The following SAMD5 variants were observed in gnomAD, a reference collection of about 807,000 sequenced individuals.
SAMD5 encodes sterile alpha motif domain containing 5, also known as sterile alpha motif domain-containing protein 5.
Under a neutral mutation model 11.3 loss-of-function variants are expected in SAMD5, and 13 were observed. The observed-to-expected ratio is 1.15, with a 90% CI of 0.75 to 1.83. SAMD5 has a LOEUF of 1.83. Among genes scored for constraint, SAMD5 ranks in the 40% most tolerant of loss-of-function variants. The pLI is 0.00. For missense variants in SAMD5, 255 were observed against 239.1 expected, an observed-to-expected ratio of 1.07 and a Z score of -0.44; for synonymous variants, 129 against 111.3, an observed-to-expected ratio of 1.16 and a Z score of -1.00.
chr6:147,903,036 G>A, the SAMD5 span, among the ~76,000 whole-genome samples: 13 of 152,050 alleles, frequency 8.5e-5, no homozygotes, highest in African/African-American at 3.1e-4. Context: ...CCACAATCTT[G>A]GCCATCTATA....
chr6:147,703,620 ATTTGAG>A (rs1791286112), intron 1 of SAMD5, among the ~76,000 whole-genome samples: 2 of 152,208 alleles, frequency 1.3e-5, no homozygotes, highest in African/African-American at 4.8e-5. Context: ...TGGGCAAGAT[ATTTGAG>A]CTACAAAGTC....
chr6:147,614,958 T>C (rs1366777099), intron 1 of SAMD5, among the ~76,000 whole-genome samples: 2 of 152,016 alleles, frequency 1.3e-5, no homozygotes, highest in Non-Finnish European at 2.9e-5. Flanking sequence ...TATTATGTTA[T>C]AAACACATTT....
At chr6:147,592,001 G>C (rs1789461675) in intron 1 of SAMD5, among the ~76,000 whole-genome samples, 1 of 152,068 alleles carries the variant, frequency 6.6e-6, no homozygotes, top group Admixed American at 6.5e-5. Context: ...AAACAGATCA[G>C]AGTTAGTGCT....
At chr6:147,832,978 T>C in the SAMD5 span, among the ~76,000 whole-genome samples, 13 of 152,244 alleles carry the variant, frequency 8.5e-5, no homozygotes, top group Non-Finnish European at 1.0e-4. Flanking sequence ...AAATAAGATA[T>C]AGTGGTTTTA....
chr6:147,558,276 A>G (rs1464714893), intron 1 of SAMD5, among the ~76,000 whole-genome samples: 4 of 152,192 alleles, frequency 2.6e-5, no homozygotes, highest in Non-Finnish European at 5.9e-5. Flanking sequence ...GCAGCCCAGG[A>G]GCCTGATGAG....
At chr6:147,909,299 A>G in the SAMD5 span, among the ~76,000 whole-genome samples, 1 of 151,460 alleles carries the variant, frequency 6.6e-6, no homozygotes. Context: ...TGTACAGTAA[A>G]GTCCTTGAAG....
chr6:147,818,695 C>A, the SAMD5 span, among the ~76,000 whole-genome samples: 1 of 152,132 alleles, frequency 6.6e-6, no homozygotes, highest in African/African-American at 2.4e-5. Context: ...ATATCCACAA[C>A]GCCAATGGCC....
intron 1 of SAMD5, among the ~76,000 whole-genome samples, chr6:147,661,921 G>T (rs1271631221): frequency 6.6e-6 from 1 of 152,202 alleles, no homozygotes; most frequent in Non-Finnish European, 1.5e-5. Flanking sequence ...GAGCCACCAC[G>T]CCCGGCGCGA....
intron 1 of SAMD5, among the ~76,000 whole-genome samples, chr6:147,628,339 A>G (rs994217748): frequency 2.6e-5 from 4 of 152,224 alleles, no homozygotes; most frequent in African/African-American, 9.6e-5. Flanking sequence ...TTTAATTTCT[A>G]TGGTTTGGCA....
intron 1 of SAMD5, among the ~76,000 whole-genome samples, chr6:147,593,623 G>T (rs1268973611): frequency 2.6e-5 from 4 of 152,094 alleles, no homozygotes; most frequent in Non-Finnish European, 4.4e-5. Context: ...TTCATCTGAA[G>T]GTTTTTCAGA....
At chr6:147,938,625 G>A in the SAMD5 span, among the ~76,000 whole-genome samples, 1 of 152,232 alleles carries the variant, frequency 6.6e-6, no homozygotes, top group Non-Finnish European at 1.5e-5. Context: ...ATAGGACTAT[G>A]TTTCCAAGCT....
At chr6:147,877,891 A>ATAGATAGCTAGCTAGC in the SAMD5 span, among the ~76,000 whole-genome samples, 23 of 90,202 alleles carry the variant, frequency 2.5e-4, no homozygotes, top group African/African-American at 8.1e-4. Flanking sequence ...CGATAGATAG[A>ATAGATAGCTAGCTAGC]TAGCTAGATA....
At chr6:147,625,851 G>A (rs150592486) in intron 1 of SAMD5, among the ~76,000 whole-genome samples, 4 of 152,146 alleles carry the variant, frequency 2.6e-5, no homozygotes, top group Non-Finnish European at 5.9e-5. Context: ...TGGTAACTCC[G>A]CATCCAGTCC....
intron 1 of SAMD5, among the ~76,000 whole-genome samples, chr6:147,719,655 G>C (rs1791518684): frequency 6.6e-6 from 1 of 151,964 alleles, no homozygotes; most frequent in Admixed American, 6.6e-5. Flanking sequence ...TATCCACTAT[G>C]GTACGTCTCA....
At chr6:147,785,104 A>G in the SAMD5 span, among the ~76,000 whole-genome samples, 1 of 152,202 alleles carries the variant, frequency 6.6e-6, no homozygotes, top group Non-Finnish European at 1.5e-5. Flanking sequence ...AAAAAGAGGT[A>G]TGAGCATATT....
chr6:147,680,613 C>G (rs1790927883), intron 1 of SAMD5, among the ~76,000 whole-genome samples: 1 of 151,968 alleles, frequency 6.6e-6, no homozygotes, highest in African/African-American at 2.4e-5. Flanking sequence ...CGCATTCACT[C>G]TTTCATCATT....
At chr6:147,587,396 C>T (rs1455388954) in intron 1 of SAMD5, among the ~76,000 whole-genome samples, 1 of 151,924 alleles carries the variant, frequency 6.6e-6, no homozygotes, top group African/African-American at 2.4e-5. Context: ...TGCCACTGTG[C>T]CGGCTAATTT....
chr6:147,747,452 C>G, the SAMD5 span, among the ~76,000 whole-genome samples: 1 of 152,184 alleles, frequency 6.6e-6, no homozygotes, highest in Non-Finnish European at 1.5e-5. Flanking sequence ...TGAATATGAT[C>G]TCTTCTAAAT....
At chr6:147,880,515 T>C in the SAMD5 span, among the ~76,000 whole-genome samples, 1 of 152,280 alleles carries the variant, frequency 6.6e-6, no homozygotes, top group South Asian at 2.1e-4. Flanking sequence ...CCCTGAGCAT[T>C]TTAATAGAAA....
Sources: gnomAD v4.1 joint callset for allele counts (sites outside exome capture counted in the v4.1 genomes callset) on GRCh38, gnomAD v4.1.1 for gene constraint, MANE v1.5 for transcripts, NCBI Gene and HGNC (gene_info 2026-07-23, HGNC 2026-07-21) for gene names.